The following KALRN variants were observed in gnomAD, a reference collection of about 807,000 sequenced individuals.
KALRN encodes kalirin RhoGEF kinase, also known as kalirin.
KALRN carries 70 observed loss-of-function variants against 353.7 expected under a neutral mutation model. That is an observed-to-expected ratio of 0.20 (90% CI 0.16 to 0.24). The LOEUF (loss-of-function observed/expected upper bound fraction) is 0.24. Ranked by LOEUF, KALRN falls within the 10% of genes least tolerant of loss-of-function variation. KALRN has a pLI of 1.00. For synonymous variants in KALRN, 1,391 were observed against 1,434.8 expected (o/e 0.97, Z 0.69); for missense variants, 2,791 against 3,756.7 (o/e 0.74, Z 6.72).
chr3:124,409,441 T>C (rs1177372255), intron 13 of KALRN, among the ~76,000 whole-genome samples: 1 of 152,198 alleles, frequency 6.6e-6, no homozygotes, highest in Non-Finnish European at 1.5e-5. Context: ...AGAAAAATAT[T>C]CGGGTCTAGG....
intron 31 of KALRN, 67 bp from the exon 32 acceptor site, chr3:124,492,673 T>G: frequency 2.0e-6 from 3 of 1,523,934 alleles, no homozygotes; most frequent in Non-Finnish European, 2.7e-6. Context: ...TGCAGGAGGG[T>G]TGAGAACTGT....
chr3:124,270,396 A>G (rs986537256), intron 5 of KALRN, among the ~76,000 whole-genome samples: 1 of 152,222 alleles, frequency 6.6e-6, no homozygotes, highest in Admixed American at 6.5e-5. Context: ...ATATAACTGC[A>G]AGAAAATTTA....
At chr3:124,467,768 GAT>G (rs1449561629) in intron 25 of KALRN, among the ~76,000 whole-genome samples, 1 of 152,188 alleles carries the variant, frequency 6.6e-6, no homozygotes, top group Non-Finnish European at 1.5e-5. Flanking sequence ...GGTGGGCAGA[GAT>G]AGTGCAATTC....
intron 52 of KALRN, 55 bp downstream of exon 52, chr3:124,693,886 G>A: frequency 1.5e-6 from 2 of 1,298,256 alleles, no homozygotes; most frequent in Admixed American, 2.0e-5. Flanking sequence ...ATAAATTATA[G>A]TTAATCCAGC....
At chr3:124,215,451 T>C (rs2077241596) in intron 1 of KALRN, among the ~76,000 whole-genome samples, 1 of 152,162 alleles carries the variant, frequency 6.6e-6, no homozygotes, top group African/African-American at 2.4e-5. Flanking sequence ...CATTCATATA[T>C]TCAGTACTTA....
At position 124,033,623 on chromosome 3, in the gene KALRN, C is replaced by T. The variant is rs2039094120; in HGVS notation, c.-118C>T. Among the ~76,000 whole-genome samples, 1 of 151,650 alleles carries T rather than the reference C, an allele frequency of 6.6e-6. No individual in the cohort carries two copies. Among genetic ancestry groups the T allele is most frequent in the South Asian group, 2.1e-4 (1 of 4,832 alleles). On this transcript the variant is annotated 5_prime_UTR_variant, in exon 1 of 60. Coordinates refer to ENST00000682506, the MANE Select transcript of KALRN (RefSeq NM_001388419.1). This position sits in a 1 kb window ranked among gnomAD's most constrained non-coding sequence, Gnocchi z 6.2. ...AACGCCCGCCCTCGAAGCTCCGCGG[C>T]CGCCAGCTCTGCGGCCGCAGCAGCT... is the stretch of plus-strand genomic sequence containing the variant.
At chr3:124,695,018 T>C (rs1430393670) in intron 53 of KALRN, among the ~76,000 whole-genome samples, 2 of 152,108 alleles carry the variant, frequency 1.3e-5, no homozygotes, top group Non-Finnish European at 2.9e-5. Context: ...AGACCTGTAG[T>C]AAAAATGTAA....
At chr3:124,204,406 CTTTA>C (rs2076224001) in intron 1 of KALRN, among the ~76,000 whole-genome samples, 1 of 152,132 alleles carries the variant, frequency 6.6e-6, no homozygotes, top group African/African-American at 2.4e-5. Flanking sequence ...ACACTAATTT[CTTTA>C]TTTTTCACAT....
At chr3:124,290,797 G>C (rs185468065) in intron 5 of KALRN, among the ~76,000 whole-genome samples, 1 of 152,252 alleles carries the variant, frequency 6.6e-6, no homozygotes, top group East Asian at 1.9e-4. Flanking sequence ...CACATAGTGA[G>C]CATTTAACAA....
intron 33 of KALRN, among the ~76,000 whole-genome samples, chr3:124,498,622 G>A (rs2064151264): frequency 6.6e-6 from 1 of 152,138 alleles, no homozygotes; most frequent in South Asian, 2.1e-4. Context: ...CTGGCCTTAG[G>A]AGACATGAGC....
intron 1 of KALRN, among the ~76,000 whole-genome samples, chr3:124,158,627 A>G (rs952993923): frequency 6.6e-6 from 1 of 152,000 alleles, no homozygotes; most frequent in African/African-American, 2.4e-5. Flanking sequence ...GCCCTCTGCA[A>G]CTCATCATGT....
At chr3:124,144,731 T>A (rs2149820611) in intron 1 of KALRN, among the ~76,000 whole-genome samples, 1 of 152,076 alleles carries the variant, frequency 6.6e-6, no homozygotes, top group South Asian at 2.1e-4. Context: ...CTCTTGTCTC[T>A]CTGCAGCATT....
At chr3:124,155,637 T>A (rs1233431421) in intron 1 of KALRN, among the ~76,000 whole-genome samples, 1 of 152,242 alleles carries the variant, frequency 6.6e-6, no homozygotes, top group Non-Finnish European at 1.5e-5. Context: ...CATTAGAAGA[T>A]GGATATGGAG....
chr3:124,689,771 A>T (rs2061726199), intron 51 of KALRN, among the ~76,000 whole-genome samples: 1 of 152,184 alleles, frequency 6.6e-6, no homozygotes, highest in African/African-American at 2.4e-5. Flanking sequence ...CATAGCAAAA[A>T]AAAATATGAC....
chr3:124,502,610 C>T (rs2064726566), intron 33 of KALRN, among the ~76,000 whole-genome samples: 1 of 152,188 alleles, frequency 6.6e-6, no homozygotes, highest in Non-Finnish European at 1.5e-5. Context: ...TCCATCTCCT[C>T]ATCTGTGCAA....
intron 37 of KALRN, among the ~76,000 whole-genome samples, chr3:124,639,358 T>C (rs766707842): frequency 3.3e-5 from 5 of 152,190 alleles, no homozygotes; most frequent in Non-Finnish European, 1.5e-5. Context: ...TGTGGTGTAA[T>C]TTGTTAAAAT....
At chr3:124,207,906 A>G (rs1464494853) in intron 1 of KALRN, among the ~76,000 whole-genome samples, 1 of 152,198 alleles carries the variant, frequency 6.6e-6, no homozygotes, top group East Asian at 1.9e-4. Flanking sequence ...AAGTGGGCTC[A>G]TGTGATGCTT....
At chr3:124,185,923 G>T (rs1451026178) in intron 1 of KALRN, among the ~76,000 whole-genome samples, 1 of 152,166 alleles carries the variant, frequency 6.6e-6, no homozygotes, top group African/African-American at 2.4e-5. Context: ...GCTGGGTGGT[G>T]CCAGTTGCTG....
intron 51 of KALRN, among the ~76,000 whole-genome samples, chr3:124,686,866 G>A (rs866396859): frequency 3.8e-5 from 5 of 132,356 alleles, no homozygotes; most frequent in African/African-American, 1.1e-4. Flanking sequence ...CCAGGCTAGA[G>A]TGCAGTGGCA....
Sources: gnomAD v4.1 joint callset for allele counts (sites outside exome capture counted in the v4.1 genomes callset) on GRCh38, gnomAD v4.1.1 for gene constraint, Gnocchi (gnomAD v3.1) non-coding constraint, MANE v1.5 for transcripts, NCBI Gene and HGNC (gene_info 2026-07-23, HGNC 2026-07-21) for gene names.